The following PTPRG variants were observed in gnomAD, a reference collection of about 807,000 sequenced individuals.
PTPRG encodes protein tyrosine phosphatase receptor type G, also known as receptor-type tyrosine-protein phosphatase gamma.
A neutral mutation model predicts 165.3 loss-of-function variants in PTPRG; 102 were observed. The ratio of observed to expected loss-of-function variants is 0.62; its 90% CI spans 0.53 to 0.73. The LOEUF is 0.73. Ranked by LOEUF, PTPRG falls within the 30% of genes least tolerant of loss-of-function variation. PTPRG has a pLI of 0.00. For synonymous variants in PTPRG, 675 were observed against 669.5 expected (o/e 1.01, Z -0.13); for missense variants, 1,866 against 1,861.4 (o/e 1.00, Z -0.05).
At chr3:62,090,688 T>A (rs1232921267) in intron 5 of PTPRG, among the ~76,000 whole-genome samples, 7 of 152,244 alleles carry the variant, frequency 4.6e-5, no homozygotes, top group Admixed American at 1.3e-4. Flanking sequence ...ATTTACGGAC[T>A]CTGCTCATGT....
chr3:62,145,913 G>T (rs1363231213), intron 6 of PTPRG, among the ~76,000 whole-genome samples: 1 of 152,236 alleles, frequency 6.6e-6, no homozygotes, highest in East Asian at 1.9e-4. Context: ...CAGCTTCTAA[G>T]TCCCAGCATC....
chr3:61,968,350 T>C (rs2040314825), intron 2 of PTPRG, among the ~76,000 whole-genome samples: 1 of 152,190 alleles, frequency 6.6e-6, no homozygotes, highest in Non-Finnish European at 1.5e-5. Flanking sequence ...TAGACTTGCA[T>C]TGTTGGACAG....
intron 10 of PTPRG, among the ~76,000 whole-genome samples, chr3:62,200,601 C>A (rs1700075041): frequency 6.6e-6 from 1 of 152,042 alleles, no homozygotes; most frequent in African/African-American, 2.4e-5. Flanking sequence ...TAAATTCTGT[C>A]ATGTATTTTA....
intron 28 of PTPRG, among the ~76,000 whole-genome samples, chr3:62,290,781 A>G (rs185666752): frequency 1.3e-5 from 2 of 152,286 alleles, no homozygotes; most frequent in East Asian, 3.9e-4. Flanking sequence ...AATAAGACTC[A>G]GATGAATTAG....
chr3:61,852,390 G>T (rs1158547057), intron 2 of PTPRG, among the ~76,000 whole-genome samples: 5 of 152,122 alleles, frequency 3.3e-5, no homozygotes, highest in African/African-American at 4.8e-5. Flanking sequence ...TTATAAGGTG[G>T]GTCCAGTACT....
chr3:61,999,961 T>C (rs1304091447), intron 3 of PTPRG, among the ~76,000 whole-genome samples: 7 of 152,160 alleles, frequency 4.6e-5, no homozygotes, highest in Non-Finnish European at 8.8e-5. Flanking sequence ...CTTTTTTTAT[T>C]CTGTTTTAGT....
intron 14 of PTPRG, among the ~76,000 whole-genome samples, chr3:62,232,835 C>T (rs1700936183): frequency 6.6e-6 from 1 of 152,208 alleles, no homozygotes; most frequent in Non-Finnish European, 1.5e-5. Context: ...TAGAATCCCT[C>T]TGATTGTGAA....
rs757906114 is a variant in PTPRG at position 62,222,638 on chromosome 3, G to A, written c.2288+3655G>A. Among the ~76,000 whole-genome samples the A allele has an allele frequency of 1.3e-5, 2 of 152,144 alleles. No homozygotes were observed. The highest frequency in any genetic ancestry group is 6.5e-5 in the Admixed American group (1 of 15,282). On this transcript the variant is annotated intron_variant, in intron 13 of 29. Transcript: ENST00000474889. The surrounding 1 kb of genome is among the most constrained non-coding windows in gnomAD (Gnocchi z 4.5). ...GCCATCAAAACCTTGGACTGAAGCC[G>A]AACAAGGGATGGCTTTCCAAAGGAC...
intron 4 of PTPRG, among the ~76,000 whole-genome samples, chr3:62,006,844 A>T (rs1387185707): frequency 6.6e-6 from 1 of 152,218 alleles, no homozygotes; most frequent in African/African-American, 2.4e-5. Flanking sequence ...GGAATCATCC[A>T]GCCCCAAAAT....
intron 2 of PTPRG, among the ~76,000 whole-genome samples, chr3:61,829,357 T>G (rs553859546): frequency 6.6e-6 from 1 of 152,248 alleles, no homozygotes; most frequent in East Asian, 1.9e-4. Context: ...TTTGTTCACA[T>G]TGGGTAATGA....
intron 2 of PTPRG, among the ~76,000 whole-genome samples, chr3:61,759,406 A>G (rs2033754329): frequency 6.6e-6 from 1 of 152,044 alleles, no homozygotes. Context: ...TGTAATCTCA[A>G]CACTTTGGAA....
chr3:61,829,457 C>T (rs879781763), intron 2 of PTPRG, among the ~76,000 whole-genome samples: 7 of 152,210 alleles, frequency 4.6e-5, no homozygotes, highest in Admixed American at 3.9e-4. Flanking sequence ...TCACTTAGCC[C>T]GATCACTGCC....
chr3:61,997,009 G>A (rs1044898356), intron 3 of PTPRG, among the ~76,000 whole-genome samples: 1 of 152,096 alleles, frequency 6.6e-6, no homozygotes, highest in African/African-American at 2.4e-5. Context: ...TTCTGTTTTA[G>A]GGTACAGCGT....
intron 5 of PTPRG, among the ~76,000 whole-genome samples, chr3:62,089,808 TAGAAG>T (rs1701871080): frequency 6.6e-6 from 1 of 152,206 alleles, no homozygotes; most frequent in Admixed American, 6.5e-5. Context: ...ATAAAAATGA[TAGAAG>T]AGAGCTAACT....
intron 2 of PTPRG, among the ~76,000 whole-genome samples, chr3:61,975,083 C>T (rs1229306844): frequency 1.3e-5 from 2 of 152,058 alleles, no homozygotes; most frequent in Non-Finnish European, 2.9e-5. Flanking sequence ...GCTGCAATTT[C>T]TTCATTCAGA....
At chr3:62,226,492 T>A (rs1700766937) in intron 13 of PTPRG, among the ~76,000 whole-genome samples, 1 of 152,236 alleles carries the variant, frequency 6.6e-6, no homozygotes, top group South Asian at 2.1e-4. Context: ...GATTTTTATG[T>A]TGAATAATAT....
intron 1 of PTPRG, among the ~76,000 whole-genome samples, chr3:61,682,824 C>G (rs1230931223): frequency 6.6e-6 from 1 of 152,178 alleles, no homozygotes; most frequent in African/African-American, 2.4e-5. Context: ...GAATAAACAG[C>G]AGTGGCGGAT....
At chr3:62,158,652 G>A (rs116648762) in intron 7 of PTPRG, among the ~76,000 whole-genome samples, 2,626 of 152,260 alleles carry the variant, frequency 0.017, 66 homozygotes, top group Middle Eastern at 0.078. Flanking sequence ...TGGGTAAATG[G>A]GGCAGGTTCC....
intron 2 of PTPRG, among the ~76,000 whole-genome samples, chr3:61,767,287 T>A (rs1049704662): frequency 4.1e-5 from 6 of 147,098 alleles, no homozygotes; most frequent in Non-Finnish European, 6.0e-5. Flanking sequence ...TCCATTTTTT[T>A]AACTAATTTT....
Sources: gnomAD v4.1 joint callset for allele counts (sites outside exome capture counted in the v4.1 genomes callset) on GRCh38, gnomAD v4.1.1 for gene constraint, Gnocchi (gnomAD v3.1) non-coding constraint, MANE v1.5 for transcripts, NCBI Gene and HGNC (gene_info 2026-07-23, HGNC 2026-07-21) for gene names.